GMDS: variants seen among roughly 807,000 people sequenced by gnomAD.
The protein encoded by GMDS is GDP-mannose 4,6-dehydratase, also known as GDP-mannose 4,6 dehydratase.
In GMDS, 20 loss-of-function variants were observed where a neutral mutation model predicts 49.9. The observed-to-expected ratio is 0.40, with a 90% confidence interval of 0.28 to 0.58. GMDS has a LOEUF of 0.58. Among genes scored for constraint, GMDS ranks in the 20% least tolerant of loss-of-function variants. The pLI, the probability that GMDS is intolerant of heterozygous loss-of-function variation, is 0.42. For missense variants in GMDS, 362 were observed against 481.4 expected, an observed-to-expected ratio of 0.75 and a Z score of 2.32; for synonymous variants, 177 against 178.6, an observed-to-expected ratio of 0.99 and a Z score of 0.07.
intron 6 of GMDS, among the ~76,000 whole-genome samples, chr6:1,937,196 G>A (rs1471783194): frequency 2.6e-5 from 4 of 152,108 alleles, no homozygotes; most frequent in Non-Finnish European, 5.9e-5. Context: ...GTCTACAACC[G>A]TCACACAATG....
In GMDS at chr6:1,776,467, C is replaced by T. The variant is rs971005570; in HGVS notation, c.772-33881G>A. 2.6e-5 allele frequency among the ~76,000 whole-genome samples: 4 copies of T among 151,518 alleles called. No homozygotes were observed. The East Asian group carries it at 7.7e-4, about 29-fold the overall frequency. ...CTTTGGGGGGCCGAGGCATGGAGAT[C>T]ACTTGAGGCCAGGAGTTTGATACCA... is the stretch of plus-strand genomic sequence containing the variant. On this transcript the variant is annotated intron_variant, in intron 7 of 10. Coordinates refer to ENST00000380815, the MANE Select transcript of GMDS (RefSeq NM_001500.4).
intron 4 of GMDS, among the ~76,000 whole-genome samples, chr6:1,967,760 A>G (rs948703691): frequency 1.3e-5 from 2 of 152,234 alleles, no homozygotes; most frequent in African/African-American, 4.8e-5. Flanking sequence ...AAAGATTTAA[A>G]GTCATAGGAA....
chr6:1,701,932 C>G (rs572572341), intron 9 of GMDS, among the ~76,000 whole-genome samples: 2 of 152,254 alleles, frequency 1.3e-5, no homozygotes, highest in Non-Finnish European at 2.9e-5. Context: ...AGCTGATTCA[C>G]AACACAGGAG....
intron 4 of GMDS, among the ~76,000 whole-genome samples, chr6:2,046,619 C>T (rs1770032621): frequency 1.3e-5 from 2 of 152,042 alleles, no homozygotes; most frequent in Admixed American, 6.5e-5. Context: ...GCCACTACCC[C>T]CGGTTAATTT....
chr6:1,743,859 A>AT (rs1476492035), intron 7 of GMDS, among the ~76,000 whole-genome samples: 3 of 151,592 alleles, frequency 2.0e-5, no homozygotes, highest in African/African-American at 7.3e-5. Flanking sequence ...ATCAATCTCT[A>AT]TTTTTTCATC....
intron 7 of GMDS, among the ~76,000 whole-genome samples, chr6:1,855,465 A>G (rs902709537): frequency 2.0e-5 from 3 of 152,232 alleles, no homozygotes; most frequent in Admixed American, 2.0e-4. Context: ...AACAGAACAG[A>G]GTTCTATTCT....
intron 7 of GMDS, among the ~76,000 whole-genome samples, chr6:1,861,922 G>C (rs1758207799): frequency 6.6e-6 from 1 of 152,186 alleles, no homozygotes; most frequent in Non-Finnish European, 1.5e-5. Context: ...TGAAAATTAT[G>C]ATTGTTAAAA....
At chr6:2,123,684 G>A (rs1356378348) in intron 2 of GMDS, among the ~76,000 whole-genome samples, 7 of 152,142 alleles carry the variant, frequency 4.6e-5, no homozygotes. Context: ...TATTACAGCA[G>A]CTTATGCATA....
At chr6:2,063,915 C>T (rs1413579158) in intron 4 of GMDS, among the ~76,000 whole-genome samples, 1 of 152,198 alleles carries the variant, frequency 6.6e-6, no homozygotes, top group African/African-American at 2.4e-5. Context: ...ATAAATAAAA[C>T]TTGTTAATGC....
At chr6:2,215,037 A>G (rs1284346239) in intron 1 of GMDS, among the ~76,000 whole-genome samples, 2 of 152,366 alleles carry the variant, frequency 1.3e-5, no homozygotes, top group Middle Eastern at 3.4e-3. Flanking sequence ...ACATCAAGAA[A>G]AATCAAGACT....
intron 7 of GMDS, among the ~76,000 whole-genome samples, chr6:1,912,446 G>C (rs1467533436): frequency 6.6e-6 from 1 of 152,164 alleles, no homozygotes; most frequent in Non-Finnish European, 1.5e-5. Flanking sequence ...TATGTGATAG[G>C]TAACAGGTTA....
intron 4 of GMDS, among the ~76,000 whole-genome samples, chr6:1,964,221 T>A (rs1439684715): frequency 6.6e-6 from 1 of 152,198 alleles, no homozygotes; most frequent in Non-Finnish European, 1.5e-5. Flanking sequence ...AGGTATAAGT[T>A]CTTATCCCAT....
At chr6:2,141,022 A>G (rs1372963437) in intron 1 of GMDS, among the ~76,000 whole-genome samples, 2 of 152,240 alleles carry the variant, frequency 1.3e-5, no homozygotes, top group African/African-American at 4.8e-5. Context: ...GAGAAATGAC[A>G]TAAAAGAATG....
intron 9 of GMDS, among the ~76,000 whole-genome samples, chr6:1,716,748 C>T (rs901566490): frequency 1.3e-5 from 2 of 152,176 alleles, no homozygotes; most frequent in Non-Finnish European, 2.9e-5. Context: ...ACAGCACCTC[C>T]TGCCCCAATT....
intron 4 of GMDS, among the ~76,000 whole-genome samples, chr6:1,983,416 A>G (rs867469140): frequency 5.3e-5 from 8 of 152,366 alleles, no homozygotes; most frequent in African/African-American, 1.4e-4. Flanking sequence ...GTACAGCAAA[A>G]GAAACGATCA....
chr6:2,103,464 A>C (rs1774042197), intron 4 of GMDS, among the ~76,000 whole-genome samples: 1 of 152,204 alleles, frequency 6.6e-6, no homozygotes, highest in Non-Finnish European at 1.5e-5. Context: ...GTGGTACTAA[A>C]ATTCCTGAGA....
At chr6:2,109,160 T>C (rs1774406397) in intron 4 of GMDS, among the ~76,000 whole-genome samples, 6 of 152,162 alleles carry the variant, frequency 3.9e-5, no homozygotes, top group Admixed American at 3.9e-4. Context: ...CAAGTTAGAC[T>C]GAACTGTGAG....
chr6:2,204,571 A>G (rs1223700736), intron 1 of GMDS, among the ~76,000 whole-genome samples: 1 of 152,246 alleles, frequency 6.6e-6, no homozygotes, highest in African/African-American at 2.4e-5. Context: ...TAAATCAATT[A>G]AAATGAAATA....
rs143806329 is a variant in GMDS at position 2,170,981 on chromosome 6, T to C, written c.103-46250A>G. ...CTGCACTCCAGCCTGGGCAAAAGAG[T>C]GAGACTCCGTCTCCAAAAGAAAAAA... is the stretch of plus-strand genomic sequence containing the variant. On this transcript the variant is annotated intron_variant, in intron 1 of 10. Coordinates refer to ENST00000380815, the MANE Select transcript of GMDS (RefSeq NM_001500.4). Among the ~76,000 whole-genome samples, 864 of 151,366 alleles carry C rather than the reference T, an allele frequency of 5.7e-3. 2 individuals are homozygous for C. Among genetic ancestry groups the C allele is most frequent in the Middle Eastern group, 0.017 (5 of 294 alleles).
Sources: allele counts gnomAD v4.1 joint callset (sites outside exome capture counted in the v4.1 genomes callset), GRCh38; gene constraint gnomAD v4.1.1; transcripts MANE v1.5; gene names NCBI Gene and HGNC (gene_info 2026-07-23, HGNC 2026-07-21).